NKAIN3: variants seen among roughly 807,000 people sequenced by gnomAD.
The protein encoded by NKAIN3 is sodium/potassium-transporting ATPase subunit beta-1-interacting protein 3.
A neutral mutation model predicts 30.2 loss-of-function variants in NKAIN3; 25 were observed. The ratio of observed to expected loss-of-function variants is 0.83; its 90% CI spans 0.60 to 1.16. The LOEUF (loss-of-function observed/expected upper bound fraction) is 1.16, where lower values mean the gene tolerates loss of function less well. NKAIN3 is among the 50% of genes most tolerant of loss of function. The pLI is 0.00. For synonymous variants in NKAIN3, 91 were observed against 89.6 expected (o/e 1.02, Z -0.09); for missense variants, 225 against 254.1 (o/e 0.89, Z 0.78).
chr8:62,777,134 T>C (rs1817217476), intron 4 of NKAIN3, among the ~76,000 whole-genome samples: 2 of 152,162 alleles, frequency 1.3e-5, no homozygotes, highest in Admixed American at 6.6e-5. Context: ...TTCTTTATCC[T>C]CGACTTTTGG....
In NKAIN3 at chr8:62,614,461, A is replaced by T. The variant is rs140873867; in HGVS notation, c.273+24667A>T. 7.9e-5 allele frequency among the ~76,000 whole-genome samples: 12 copies of T among 152,184 alleles called. No individual in the cohort carries two copies. The East Asian group carries it at 2.3e-3, about 30-fold the overall frequency. The stretch of plus-strand genomic sequence containing the variant: ...TTGCTGGGTCAGACCTGAAGCCAAC[A>T]CAGCACTGGGTCTCACTCAGGGCTT... On this transcript the variant is annotated intron_variant, in intron 3 of 6. Coordinates refer to ENST00000623646, the MANE Select transcript of NKAIN3 (RefSeq NM_001304533.3).
intron 1 of NKAIN3, among the ~76,000 whole-genome samples, chr8:62,319,854 G>T (rs1814809019): frequency 6.6e-6 from 1 of 152,138 alleles, no homozygotes; most frequent in Non-Finnish European, 1.5e-5. Context: ...AGGTCTGCTT[G>T]GTGCTGAGCT....
intron 4 of NKAIN3, among the ~76,000 whole-genome samples, chr8:62,773,899 G>T (rs115736613): frequency 0.017 from 2,548 of 152,246 alleles, 70 homozygotes; most frequent in African/African-American, 0.059. Context: ...TGGGTCTTTT[G>T]TGGTTCAATA....
At chr8:62,324,693 G>A (rs1438876212) in intron 1 of NKAIN3, among the ~76,000 whole-genome samples, 1 of 152,092 alleles carries the variant, frequency 6.6e-6, no homozygotes, top group Non-Finnish European at 1.5e-5. Flanking sequence ...TTCCAGAAAA[G>A]TTAACAGAAC....
intron 3 of NKAIN3, among the ~76,000 whole-genome samples, chr8:62,684,748 G>C (rs376261905): frequency 1.3e-5 from 2 of 152,268 alleles, no homozygotes; most frequent in South Asian, 4.1e-4. Context: ...TTAGAATGAG[G>C]TCATTGGGGT....
intron 1 of NKAIN3, among the ~76,000 whole-genome samples, chr8:62,444,591 A>T (rs569823174): frequency 6.6e-6 from 1 of 152,316 alleles, no homozygotes; most frequent in East Asian, 1.9e-4. Flanking sequence ...TTAGGTATAT[A>T]TACACCACAT....
At chr8:62,918,703 G>A (rs1822180620) in intron 5 of NKAIN3, among the ~76,000 whole-genome samples, 190 bp downstream of exon 5, 1 of 152,140 alleles carries the variant, frequency 6.6e-6, no homozygotes, top group Non-Finnish European at 1.5e-5. Context: ...ACTACATATA[G>A]AAACACTCAA....
At chr8:62,738,930 C>T (rs1815770421) in intron 3 of NKAIN3, among the ~76,000 whole-genome samples, 1 of 152,100 alleles carries the variant, frequency 6.6e-6, no homozygotes, top group Admixed American at 6.5e-5. Context: ...GAATACTATG[C>T]AGCCATAAAA....
chr8:62,864,089 G>C, intron 4 of NKAIN3: 1 of 648,548 alleles, frequency 1.5e-6, no homozygotes, highest in Non-Finnish European at 2.8e-6. Context: ...ATTCCGACGC[G>C]GCGCAAGCGG....
At chr8:62,809,062 G>GAAAA (rs1818398536) in intron 4 of NKAIN3, among the ~76,000 whole-genome samples, 3 of 152,138 alleles carry the variant, frequency 2.0e-5, no homozygotes, top group South Asian at 2.1e-4. Context: ...AAAGAATTCA[G>GAAAA]TGATATTTCT....
At chr8:62,765,623 G>T (rs2130625919) in intron 4 of NKAIN3, among the ~76,000 whole-genome samples, 1 of 152,268 alleles carries the variant, frequency 6.6e-6, no homozygotes, top group South Asian at 2.1e-4. Context: ...TTTTATATAA[G>T]AAGTTAATTA....
chr8:62,883,457 G>GTTGTTGTTGTTTTTTTTTTT lies in NKAIN3; in HGVS notation c.472-34994_472-34993insGTTGTTGTTTTTTTTTTTTT. On this transcript the variant is annotated intron_variant, in intron 4 of 6. Transcript: ENST00000623646. ...TTTATTATTTCCAGGAGTTTTATGG[G>GTTGTTGTTGTTTTTTTTTTT]TTTTTTTTTTTTTTTTCAGATTTTC... Among the ~76,000 whole-genome samples, 9 of 70,228 alleles carry GTTGTTGTTGTTTTTTTTTTT rather than the reference G, an allele frequency of 1.3e-4. 1 individual carries two copies. Among genetic ancestry groups the GTTGTTGTTGTTTTTTTTTTT allele is most frequent in the African/African-American group, 3.5e-4 (5 of 14,300 alleles). The allele number at this position is 70,228 out of a possible 152,430, so 46.1% of individuals were successfully genotyped here.
chr8:62,660,752 C>T (rs1000247818), intron 3 of NKAIN3, among the ~76,000 whole-genome samples: 4 of 142,790 alleles, frequency 2.8e-5, no homozygotes, highest in African/African-American at 1.2e-4. Context: ...AACCAGTCCA[C>T]TAAATACTAA....
Position 62,969,905 on chromosome 8 carries a change from G to A in NKAIN3, c.*4498G>A, listed in dbSNP as rs1176642449. ...CTGCACAGTGAACAATTTAGAAAGG[G>A]AACAGATGACCAGACACAGTGGCTC... On this transcript the variant is annotated 3_prime_UTR_variant, in exon 7 of 7. Transcript: ENST00000623646. Among the ~76,000 whole-genome samples, 7 of 152,018 alleles carry A rather than the reference G, an allele frequency of 4.6e-5. No homozygotes were observed. Among genetic ancestry groups the A allele is most frequent in the Admixed American group, 1.3e-4 (2 of 15,250 alleles).
intron 1 of NKAIN3, among the ~76,000 whole-genome samples, chr8:62,454,926 G>C (rs1805766639): frequency 6.6e-6 from 1 of 152,186 alleles, no homozygotes. Flanking sequence ...AGTGATCTTG[G>C]CTTGCTGAAT....
chr8:62,439,077 A>G (rs558334107), intron 1 of NKAIN3, among the ~76,000 whole-genome samples: 1 of 152,320 alleles, frequency 6.6e-6, no homozygotes, highest in Admixed American at 6.5e-5. Flanking sequence ...GGCCAAGCTA[A>G]AGATGTTAGG....
intron 1 of NKAIN3, among the ~76,000 whole-genome samples, chr8:62,260,077 A>C (rs1014952502): frequency 6.6e-6 from 1 of 152,168 alleles, no homozygotes; most frequent in African/African-American, 2.4e-5. Flanking sequence ...AAGTATTGAA[A>C]GAGGATTTTA....
chr8:62,622,397 C>A lies in NKAIN3; in HGVS notation c.273+32603C>A, dbSNP rs575380640. 1.9e-3 allele frequency among the ~76,000 whole-genome samples: 291 copies of A among 152,066 alleles called. 1 individual carries two copies. Among genetic ancestry groups the A allele is most frequent in the African/African-American group, 6.8e-3 (284 of 41,540 alleles). On this transcript the variant is annotated intron_variant, in intron 3 of 6. Transcript: ENST00000623646. ...TAGAATGACTGTACCATTTTACATA[C>A]CCACTATCAATGTATGAGTGATCTA...
intron 1 of NKAIN3, among the ~76,000 whole-genome samples, chr8:62,455,022 T>C (rs1449074517): frequency 1.3e-5 from 2 of 152,198 alleles, no homozygotes; most frequent in Non-Finnish European, 2.9e-5. Flanking sequence ...AGATGCACCA[T>C]TGGCTAATTC....
Sources: allele counts gnomAD v4.1 joint callset (sites outside exome capture counted in the v4.1 genomes callset), GRCh38; gene constraint gnomAD v4.1.1; transcripts MANE v1.5; gene names NCBI Gene and HGNC (gene_info 2026-07-23, HGNC 2026-07-21).